Variants in SV2C observed in about 807,000 individuals in gnomAD.
SV2C encodes the protein synaptic vesicle glycoprotein 2C.
A neutral mutation model predicts 79.7 loss-of-function variants in SV2C; 49 were observed. The observed-to-expected ratio is 0.61, with a 90% CI of 0.49 to 0.78. The LOEUF is 0.78. Ranked by LOEUF, SV2C falls within the 30% of genes least tolerant of loss-of-function variation. The pLI, the probability that SV2C is intolerant of heterozygous loss-of-function variation, is 0.00. For missense variants in SV2C, 833 were observed against 912.9 expected (o/e 0.91, Z 1.13); for synonymous variants, 334 against 333.2 (o/e 1.00, Z -0.03).
chr5:76,074,962 T>C, the SV2C span, among the ~76,000 whole-genome samples: 5 of 152,326 alleles, frequency 3.3e-5, no homozygotes, highest in Non-Finnish European at 7.3e-5. Context: ...GGTGCTCTTT[T>C]AGGGCTGGAG....
the SV2C span, among the ~76,000 whole-genome samples, chr5:76,061,675 C>T: frequency 7.2e-5 from 11 of 152,036 alleles, no homozygotes; most frequent in Admixed American, 2.0e-4. Flanking sequence ...TTAATTTTGG[C>T]GATAGAGAAT....
intron 4 of SV2C, among the ~76,000 whole-genome samples, chr5:76,239,026 C>T (rs969821858): frequency 3.3e-5 from 5 of 152,162 alleles, no homozygotes; most frequent in African/African-American, 1.2e-4. Flanking sequence ...CTCCTATCCT[C>T]CTAAGTATCT....
At chr5:75,936,499 C>T in the SV2C span, among the ~76,000 whole-genome samples, 2 of 152,138 alleles carry the variant, frequency 1.3e-5, no homozygotes, top group Admixed American at 6.6e-5. Context: ...GTTTCTGGTT[C>T]AGCTCCGGCT....
chr5:76,073,503 G>GTATGTATATATATA, the SV2C span, among the ~76,000 whole-genome samples: 2 of 67,412 alleles, frequency 3.0e-5, no homozygotes, highest in Admixed American at 1.6e-4. Context: ...GTATGTGTGT[G>GTATGTATATATATA]TATATATATA....
chr5:75,995,088 T>C, the SV2C span, among the ~76,000 whole-genome samples: 1 of 152,106 alleles, frequency 6.6e-6, no homozygotes, highest in Non-Finnish European at 1.5e-5. Context: ...CTGCCTTTTT[T>C]TTTCTATTTA....
chr5:76,138,204 T>A (rs1202001885), intron 2 of SV2C, among the ~76,000 whole-genome samples: 4 of 152,198 alleles, frequency 2.6e-5, no homozygotes, highest in African/African-American at 4.8e-5. Context: ...CCTAGAGAGC[T>A]CGGTTGGCTT....
In SV2C at chr5:76,303,138, C is replaced by A. The variant is rs531897210; in HGVS notation, c.2000+1593C>A. Among the ~76,000 whole-genome samples the A allele has an allele frequency of 1.2e-3, 187 of 152,298 alleles. 2 individuals are homozygous for A. The highest frequency in any genetic ancestry group is 4.4e-3 in the African/African-American group (181 of 41,560). ...CACTCAACCCTGGATGTCTGCTTAT[C>A]AAATATTCTAGTTCAGACCCTCAGT... On this transcript the variant is annotated intron_variant, in intron 12 of 12. Transcript: ENST00000502798.
intron 4 of SV2C, among the ~76,000 whole-genome samples, chr5:76,240,068 GC>G (rs1397814453): frequency 1.3e-5 from 2 of 152,112 alleles, no homozygotes; most frequent in Non-Finnish European, 2.9e-5. Flanking sequence ...CAAATATTGT[GC>G]CCTTTTTCTT....
At chr5:76,260,039 C>G (rs901441695) in intron 4 of SV2C, among the ~76,000 whole-genome samples, 2 of 152,080 alleles carry the variant, frequency 1.3e-5, no homozygotes, top group Non-Finnish European at 2.9e-5. Context: ...CCACAATGGT[C>G]GAACTAATTA....
intron 4 of SV2C, among the ~76,000 whole-genome samples, chr5:76,257,010 T>A (rs1746288632): frequency 6.6e-6 from 1 of 152,224 alleles, no homozygotes; most frequent in Non-Finnish European, 1.5e-5. Context: ...TTAATCTACC[T>A]CTGTATCAAA....
chr5:76,126,020 G>C (rs1028101615), intron 1 of SV2C, among the ~76,000 whole-genome samples: 1 of 152,168 alleles, frequency 6.6e-6, no homozygotes. Flanking sequence ...TCATGCCACT[G>C]CTGCCTGGGT....
chr5:76,285,611 G>A (rs1364157668), intron 5 of SV2C, 170 bp from the exon 6 acceptor site: 5 of 624,886 alleles, frequency 8.0e-6, no homozygotes, highest in Non-Finnish European at 1.4e-5. Context: ...TATTTGAACT[G>A]CTCATGTATT....
the SV2C span, among the ~76,000 whole-genome samples, chr5:75,970,242 T>C: frequency 6.6e-6 from 1 of 151,598 alleles, no homozygotes; most frequent in Non-Finnish European, 1.5e-5. Flanking sequence ...AAATTGACAC[T>C]CTAAAATCAC....
chr5:75,874,749 C>G, the SV2C span, among the ~76,000 whole-genome samples: 12 of 152,158 alleles, frequency 7.9e-5, no homozygotes, highest in African/African-American at 2.6e-4. Context: ...CACTAGTGTT[C>G]CCATACACCA....
At chr5:76,180,870 A>T (rs1261600764) in intron 2 of SV2C, among the ~76,000 whole-genome samples, 1 of 151,876 alleles carries the variant, frequency 6.6e-6, no homozygotes, top group African/African-American at 2.4e-5. Context: ...CTTACCTCTG[A>T]CTTCTTTTCC....
intron 4 of SV2C, chr5:76,242,159 T>C (rs1486992560): frequency 7.4e-6 from 9 of 1,217,814 alleles, no homozygotes; most frequent in Non-Finnish European, 1.1e-5. Flanking sequence ...CTCCCTTCTT[T>C]GCAGGGGCCT....
chr5:75,966,864 G>A, the SV2C span, among the ~76,000 whole-genome samples: 6 of 152,092 alleles, frequency 3.9e-5, no homozygotes, highest in African/African-American at 1.4e-4. Context: ...TGCATTGTAT[G>A]GTAGAAAAAG....
At chr5:76,341,315 A>G (rs1001959352) in intron 12 of SV2C, among the ~76,000 whole-genome samples, 44 of 152,158 alleles carry the variant, frequency 2.9e-4, no homozygotes, top group African/African-American at 1.1e-3. Context: ...AGGCAGGTGG[A>G]TTGCTTGAGC....
At chr5:76,171,835 G>A (rs1743282411) in intron 2 of SV2C, among the ~76,000 whole-genome samples, 3 of 110,216 alleles carry the variant, frequency 2.7e-5, no homozygotes, top group Non-Finnish European at 4.1e-5. Context: ...GCCCCTACTG[G>A]GAAGTGAGGA....
Sources: gnomAD v4.1 joint callset for allele counts (sites outside exome capture counted in the v4.1 genomes callset) on GRCh38, gnomAD v4.1.1 for gene constraint, MANE v1.5 for transcripts, NCBI Gene and HGNC (gene_info 2026-07-23, HGNC 2026-07-21) for gene names.